The following PRKAR2A variants were observed in gnomAD, a reference collection of about 807,000 sequenced individuals.
The protein encoded by PRKAR2A is cAMP-dependent protein kinase type II-alpha regulatory subunit.
In PRKAR2A, 29 loss-of-function variants were observed where a neutral mutation model predicts 51.9. The ratio of observed to expected loss-of-function variants is 0.56; its 90% CI spans 0.42 to 0.76. The LOEUF (loss-of-function observed/expected upper bound fraction) is 0.76. Among genes scored for constraint, PRKAR2A ranks in the 30% least tolerant of loss-of-function variants. The pLI is 0.00. For synonymous variants in PRKAR2A, 178 were observed against 186.2 expected (o/e 0.96, Z 0.36); for missense variants, 445 against 512.1 (o/e 0.87, Z 1.26).
intron 6 of PRKAR2A, among the ~76,000 whole-genome samples, chr3:48,770,377 G>A (rs1195928009): frequency 1.3e-5 from 2 of 152,110 alleles, no homozygotes; most frequent in East Asian, 1.9e-4. Flanking sequence ...AAGAGACTAC[G>A]TATAGGGGCC....
At chr3:48,784,099 A>C (rs1280399356) in intron 4 of PRKAR2A, among the ~76,000 whole-genome samples, 1 of 152,204 alleles carries the variant, frequency 6.6e-6, no homozygotes, top group Non-Finnish European at 1.5e-5. Flanking sequence ...TATGTCAATA[A>C]GTATAATGAA....
chr3:48,847,732 G>T lies in PRKAR2A; in HGVS notation c.-136C>A. ...CCCGGCTCACGTCGCGCCGCTCTTT[G>T]GCCGGCTCTGCGTTTCCGGGCCGCG... On this transcript the variant is annotated 5_prime_UTR_variant, in exon 1 of 11. Coordinates refer to ENST00000265563, the MANE Select transcript of PRKAR2A (RefSeq NM_004157.4). The surrounding 1 kb of genome is among the most constrained non-coding windows in gnomAD (Gnocchi z 4.4). The T allele has an allele frequency of 1.1e-6, 1 of 923,326 alleles. No individual in the cohort carries two copies. The highest frequency in any genetic ancestry group is 1.5e-6 in the Non-Finnish European group (1 of 676,628). 57.2% of individuals were successfully genotyped at this position (923,326 alleles called of 1,614,324 possible).
rs570180290 is a variant in PRKAR2A, at chr3:48,796,502, C to T, written c.299-2453G>A. Among the ~76,000 whole-genome samples, 31 of 152,106 alleles carry T rather than the reference C, an allele frequency of 2.0e-4. No individual in the cohort carries two copies. The South Asian group carries it at 2.7e-3, about 13-fold the overall frequency. ...TTTTTGCTTTCTCTACGGTTTGCCC[C>T]GCCCGCTCCCAAGACAGAGCTTCAC... On this transcript the variant is annotated intron_variant, in intron 2 of 10. Transcript: ENST00000265563.
At chr3:48,769,382 C>A (rs918499080) in intron 6 of PRKAR2A, among the ~76,000 whole-genome samples, 1 of 151,886 alleles carries the variant, frequency 6.6e-6, no homozygotes, top group African/African-American at 2.4e-5. Flanking sequence ...TGGTCTCAAT[C>A]TCCTGACCTC....
chr3:48,747,620 T>C lies in PRKAR2A; in HGVS notation c.*3965A>G, dbSNP rs574383541. On this transcript the variant is annotated 3_prime_UTR_variant, in exon 11 of 11. Transcript: ENST00000265563. Reference sequence around the variant, plus strand: ...GTAACACAATTATATATGAAGACTATTGACTAACAGGACAATAGCACATGA... The same window carrying C: ...GTAACACAATTATATATGAAGACTACTGACTAACAGGACAATAGCACATGA... 25 of 152,348 alleles carry C rather than the reference T, an allele frequency of 1.6e-4. No individual in the cohort carries two copies. The highest frequency in any genetic ancestry group is 3.9e-4 in the East Asian group (2 of 5,182). The allele number at this position is 152,348 out of a possible 1,614,324, so 9.4% of individuals were successfully genotyped here.
intron 6 of PRKAR2A, among the ~76,000 whole-genome samples, chr3:48,766,275 C>A (rs2081940377): frequency 6.6e-6 from 1 of 151,650 alleles, no homozygotes; most frequent in South Asian, 2.1e-4. Flanking sequence ...AATAAAAAGT[C>A]TACATTTCAA....
At chr3:48,838,814 TA>T (rs535865105) in intron 1 of PRKAR2A, among the ~76,000 whole-genome samples, 2,185 of 140,280 alleles carry the variant, frequency 0.016, 24 homozygotes, top group Non-Finnish European at 0.023. Flanking sequence ...CTGTCTCTAC[TA>T]AAAAAAAAAA....
Position 48,751,171 on chromosome 3 carries a change from T to C in PRKAR2A, c.*414A>G, listed in dbSNP as rs1002976236. 39 of 384,236 alleles carry C rather than the reference T, an allele frequency of 1.0e-4. 1 individual carries two copies. The highest frequency in any genetic ancestry group is 7.8e-4 in the African/African-American group (37 of 47,664). The allele number at this position is 384,236 out of a possible 1,614,324, so 23.8% of individuals were successfully genotyped here. A position where few individuals can be genotyped will look rare whatever the true frequency, so the allele number is the denominator to read the frequency against. On this transcript the variant is annotated 3_prime_UTR_variant, in exon 11 of 11. Transcript: ENST00000265563. ...GCTACATTTCCTCCTTTGAGAACCATTAGAGAGTGTCTACAGTTATACAAC... is the reference window on the plus strand; with the variant it reads ...GCTACATTTCCTCCTTTGAGAACCACTAGAGAGTGTCTACAGTTATACAAC...
At chr3:48,831,365 C>CTTTTTT (rs539375236) in intron 1 of PRKAR2A, among the ~76,000 whole-genome samples, 1 of 126,364 alleles carries the variant, frequency 7.9e-6, no homozygotes, top group African/African-American at 3.0e-5. Context: ...TCCAAAATAT[C>CTTTTTT]TTTTTTTTTT....
At chr3:48,823,658 C>T (rs1051930816) in intron 1 of PRKAR2A, among the ~76,000 whole-genome samples, 9 of 150,468 alleles carry the variant, frequency 6.0e-5, no homozygotes, top group African/African-American at 2.2e-4. Context: ...TGGTGGCGCA[C>T]GTCTGTGGTC....
chr3:48,764,573 G>A (rs1384146217), intron 8 of PRKAR2A, among the ~76,000 whole-genome samples: 1 of 152,102 alleles, frequency 6.6e-6, no homozygotes, highest in Admixed American at 6.6e-5. Context: ...GTCCTCTGAA[G>A]TATGATCTAT....
intron 1 of PRKAR2A, 131 bp from the exon 2 acceptor site, chr3:48,807,815 T>G (rs2082696583): frequency 4.4e-6 from 3 of 679,236 alleles, no homozygotes. Flanking sequence ...GTTCATAGTC[T>G]TCCACACTCA....
Position 48,763,685 on chromosome 3 carries a change from T to C in PRKAR2A, c.873+1319A>G, listed in dbSNP as rs143789010. Among the ~76,000 whole-genome samples the C allele has an allele frequency of 3.1e-3, 478 of 152,284 alleles. 5 individuals carry two copies. The highest frequency in any genetic ancestry group is 0.011 in the African/African-American group (456 of 41,560). Reference sequence around the variant, plus strand: ...AAGGACCTTTCCCTGATCCCAAACATTGAAATTGCACTTGTTTTTTAAGCC... The same window carrying C: ...AAGGACCTTTCCCTGATCCCAAACACTGAAATTGCACTTGTTTTTTAAGCC... On this transcript the variant is annotated intron_variant, in intron 8 of 10. Transcript: ENST00000265563.
At chr3:48,772,666 A>G (rs2107256587) in intron 6 of PRKAR2A, among the ~76,000 whole-genome samples, 1 of 151,652 alleles carries the variant, frequency 6.6e-6, no homozygotes, top group Admixed American at 6.6e-5. Context: ...TTTGAGACGG[A>G]GTCTCGCTGT....
intron 2 of PRKAR2A, among the ~76,000 whole-genome samples, chr3:48,798,630 T>A (rs978983148): frequency 1.3e-5 from 2 of 151,974 alleles, no homozygotes; most frequent in African/African-American, 4.8e-5. Context: ...ATACTAACTT[T>A]CTCTACTTTT....
chr3:48,745,158 A>C (rs777222742), downstream of PRKAR2A, among the ~76,000 whole-genome samples: 2 of 149,892 alleles, frequency 1.3e-5, no homozygotes, highest in Non-Finnish European at 3.0e-5. Context: ...TATAGGCATG[A>C]GCAACCGCAC....
intron 6 of PRKAR2A, among the ~76,000 whole-genome samples, chr3:48,768,402 T>C (rs538090988): frequency 4.0e-5 from 6 of 150,952 alleles, no homozygotes; most frequent in African/African-American, 1.5e-4. Context: ...GATACATAGA[T>C]AGATAAAATA....
chr3:48,778,944 A>G (rs1575865529), intron 5 of PRKAR2A, among the ~76,000 whole-genome samples: 1 of 147,482 alleles, frequency 6.8e-6, no homozygotes, highest in Non-Finnish European at 1.5e-5. Flanking sequence ...TCCTGCCTCA[A>G]CCTCCTAAGT....
chr3:48,847,788 C>G lies in PRKAR2A; in HGVS notation c.-192G>C. 1.9e-6 allele frequency: 1 copy of G among 513,846 alleles called. No individual in the cohort carries two copies. The highest frequency in any genetic ancestry group is 3.0e-6 in the Non-Finnish European group (1 of 330,884). The allele number at this position is 513,846 out of a possible 1,614,324, so 31.8% of individuals were successfully genotyped here. On this transcript the variant is annotated 5_prime_UTR_variant, in exon 1 of 11. Transcript: ENST00000265563. This position sits in a 1 kb window ranked among gnomAD's most constrained non-coding sequence, Gnocchi z 4.4. ...CTACGCTACCACGGCCGACCTGGCA[C>G]CGCCGCCGCTGTCACTGGGCAGCCG...
Sources: gnomAD v4.1 joint callset for allele counts (sites outside exome capture counted in the v4.1 genomes callset) on GRCh38, gnomAD v4.1.1 for gene constraint, Gnocchi (gnomAD v3.1) non-coding constraint, MANE v1.5 for transcripts, NCBI Gene and HGNC (gene_info 2026-07-23, HGNC 2026-07-21) for gene names.